The following CSMD1 variants were observed in gnomAD, a reference collection of about 807,000 sequenced individuals.
CSMD1 encodes the protein CUB and Sushi multiple domains 1.
CSMD1 carries 213 observed loss-of-function variants against 417.5 expected under a neutral mutation model. That is an observed-to-expected ratio of 0.51 (90% confidence interval 0.46 to 0.57). The LOEUF is 0.57. Ranked by LOEUF, CSMD1 falls within the 20% of genes least tolerant of loss-of-function variation. The pLI is 0.00. For missense variants in CSMD1, 6,923 were observed against 4,529.7 expected, an observed-to-expected ratio of 1.53 and a Z score of -15.17; for synonymous variants, 2,862 against 1,736.8, an observed-to-expected ratio of 1.65 and a Z score of -16.11.
chr8:4,814,242 G>A (rs1020812540), intron 1 of CSMD1, among the ~76,000 whole-genome samples: 13 of 152,240 alleles, frequency 8.5e-5, no homozygotes, highest in African/African-American at 2.9e-4. Context: ...GCATGTGCGC[G>A]TGTGTGTATG....
intron 6 of CSMD1, among the ~76,000 whole-genome samples, chr8:3,752,639 G>GC (rs1797403811): frequency 4.0e-5 from 5 of 125,704 alleles, no homozygotes; most frequent in Non-Finnish European, 7.8e-5. Context: ...AGACAACAGA[G>GC]CAAGACTCTG....
At chr8:3,951,392 C>A (rs1196361068) in intron 5 of CSMD1, among the ~76,000 whole-genome samples, 1 of 152,172 alleles carries the variant, frequency 6.6e-6, no homozygotes, top group Non-Finnish European at 1.5e-5. Context: ...TAAATGAATG[C>A]AAAAGGCATT....
chr8:4,591,193 G>T (rs1326167612), intron 2 of CSMD1, among the ~76,000 whole-genome samples: 1 of 152,166 alleles, frequency 6.6e-6, no homozygotes, highest in African/African-American at 2.4e-5. Context: ...ATTAGGTATT[G>T]GCTGAGTAAA....
intron 12 of CSMD1, among the ~76,000 whole-genome samples, chr8:3,458,810 G>A (rs760059791): frequency 6.6e-6 from 1 of 152,182 alleles, no homozygotes; most frequent in Non-Finnish European, 1.5e-5. Flanking sequence ...ATGGTCTGGA[G>A]AAACAGGATT....
intron 56 of CSMD1, 69 bp from the exon 57 acceptor site, chr8:2,973,368 T>C (rs1211394375): frequency 7.6e-6 from 11 of 1,444,084 alleles, no homozygotes; most frequent in Non-Finnish European, 9.5e-7. Context: ...GTTGTCACAC[T>C]TAAAGATAAT....
chr8:3,660,347 G>A (rs7843378), intron 7 of CSMD1, among the ~76,000 whole-genome samples: 59,700 of 151,914 alleles, frequency 0.39, 13,517 homozygotes, highest in Middle Eastern at 0.53. Context: ...AGGACTGAAA[G>A]TATTAGCGAT....
chr8:4,417,892 T>A (rs1455789750), intron 3 of CSMD1, among the ~76,000 whole-genome samples: 1 of 152,064 alleles, frequency 6.6e-6, no homozygotes, highest in Non-Finnish European at 1.5e-5. Context: ...AATAGTTGTC[T>A]AAAGTTTATG....
chr8:3,493,663 C>G lies in CSMD1; in HGVS notation c.1408G>C (p.Asp470His), dbSNP rs1290580201. 6.2e-7 allele frequency: 1 copy of G among 1,612,276 alleles called. No homozygotes were observed. Among genetic ancestry groups the G allele is most frequent in the Admixed American group, 1.7e-5 (1 of 59,858 alleles). The change falls in exon 11 of 70, where the codon GAT becomes CAT. Residue 470 changes from aspartate to histidine, a missense_variant. Asp to His is a moderately conservative substitution (Grantham distance 81). Transcript: ENST00000635120. ...CTGGTGTCTCCCACCTTCCCAGCAT[C>G]ACCAACCGTCAGGGTGTCATAGCCT... Reference protein sequence around the residue: ...ERGYDTLTVGDAGKVGDTRSV... With the variant: ...ERGYDTLTVGHAGKVGDTRSV...
At chr8:4,217,202 G>A (rs919264593) in intron 3 of CSMD1, among the ~76,000 whole-genome samples, 5 of 152,106 alleles carry the variant, frequency 3.3e-5, no homozygotes, top group African/African-American at 4.8e-5. Flanking sequence ...CAAAGTTATA[G>A]CTAGCAACAA....
intron 2 of CSMD1, among the ~76,000 whole-genome samples, chr8:4,573,326 T>A (rs1044683971): frequency 6.6e-6 from 1 of 152,218 alleles, no homozygotes; most frequent in African/African-American, 2.4e-5. Flanking sequence ...TTTTTGTTAA[T>A]GTTGACGCTA....
chr8:4,119,640 AC>A (rs1482903857), intron 3 of CSMD1, among the ~76,000 whole-genome samples: 2 of 152,162 alleles, frequency 1.3e-5, no homozygotes, highest in African/African-American at 4.8e-5. Flanking sequence ...TCTGTGAGGA[AC>A]AAGGAAGCAC....
chr8:3,490,961 A>T (rs895700), intron 11 of CSMD1, among the ~76,000 whole-genome samples: 20,541 of 151,708 alleles, frequency 0.14, 1,927 homozygotes, highest in East Asian at 0.26. Context: ...TGTTCCACTG[A>T]GGTTTATATA....
chr8:4,091,316 A>G (rs936033710), intron 3 of CSMD1, among the ~76,000 whole-genome samples: 1 of 152,178 alleles, frequency 6.6e-6, no homozygotes, highest in Non-Finnish European at 1.5e-5. Flanking sequence ...TTCAATAAAT[A>G]TTTTGTTGTA....
At chr8:4,274,931 C>T (rs1796390271) in intron 3 of CSMD1, among the ~76,000 whole-genome samples, 1 of 152,140 alleles carries the variant, frequency 6.6e-6, no homozygotes, top group Non-Finnish European at 1.5e-5. Context: ...TGGCCACATT[C>T]ATATTTTCTT....
chr8:3,182,843 T>TGG (rs1821466387), intron 36 of CSMD1: 2 of 11,962 alleles, frequency 1.7e-4, no homozygotes, highest in Non-Finnish European at 3.8e-4. Context: ...TATAAGAAGG[T>TGG]GTGTGTGTGT....
intron 5 of CSMD1, among the ~76,000 whole-genome samples, chr8:3,971,884 ATTTT>A (rs923165608): frequency 6.6e-6 from 1 of 151,822 alleles, no homozygotes; most frequent in African/African-American, 2.4e-5. Context: ...TTCTTTGTTG[ATTTT>A]TTTGTTGACT....
At chr8:4,122,759 C>T (rs1034563836) in intron 3 of CSMD1, among the ~76,000 whole-genome samples, 2 of 152,166 alleles carry the variant, frequency 1.3e-5, no homozygotes, top group East Asian at 3.9e-4. Context: ...GGGAAGATTT[C>T]TGGCTCTTAT....
chr8:4,031,119 C>T (rs186044190), intron 4 of CSMD1, among the ~76,000 whole-genome samples: 142 of 152,288 alleles, frequency 9.3e-4, no homozygotes, highest in African/African-American at 3.3e-3. Flanking sequence ...CTTCTGAGTC[C>T]TCCAAACTGT....
chr8:4,839,406 T>A (rs1800703095), intron 1 of CSMD1, among the ~76,000 whole-genome samples: 1 of 152,166 alleles, frequency 6.6e-6, no homozygotes, highest in Non-Finnish European at 1.5e-5. Flanking sequence ...GCTCAACACT[T>A]TACACATTCT....
Sources: gnomAD v4.1 joint callset for allele counts (sites outside exome capture counted in the v4.1 genomes callset) on GRCh38, gnomAD v4.1.1 for gene constraint, MANE v1.5 for transcripts, NCBI Gene and HGNC (gene_info 2026-07-23, HGNC 2026-07-21) for gene names.